The following PLEC variants were observed in gnomAD, a reference collection of about 807,000 sequenced individuals.
PLEC encodes hemidesmosomal protein 1.
Under a neutral mutation model 392.8 loss-of-function variants are expected in PLEC, and 216 were observed. The ratio of observed to expected loss-of-function variants is 0.55; its 90% confidence interval spans 0.49 to 0.62. The LOEUF is 0.62. Among genes scored for constraint, PLEC ranks in the 20% least tolerant of loss-of-function variants. The pLI is 0.00. For synonymous variants in PLEC, 3,621 were observed against 2,980.6 expected (o/e 1.21, Z -7.00); for missense variants, 6,863 against 6,563.4 (o/e 1.05, Z -1.58).
chr8:143,926,926 C>T, intron 29 of PLEC, 44 bp from the exon 30 acceptor site: 2 of 1,605,460 alleles, frequency 1.2e-6, no homozygotes, highest in Middle Eastern at 1.7e-4. Flanking sequence ...GCTGCAGCTC[C>T]AGCCAGAGGC....
intron 1 of PLEC, chr8:143,945,209 C>T (rs537959815): frequency 1.8e-5 from 9 of 491,030 alleles, no homozygotes; most frequent in Middle Eastern, 3.3e-4. Context: ...CAAAGTCACG[C>T]GCAGGCCAGA....
rs539275914 is a variant in PLEC at position 143,969,049 on chromosome 8, C to T, written c.70+4354G>A. ...TAAAAAACATACGACCACACAAAAA[C>T]GTGTATGCAAACGTCCATAGCAGCC... On this transcript the variant is annotated intron_variant, in intron 1 of 31. Transcript: ENST00000356346. This position sits in a 1 kb window ranked among gnomAD's most constrained non-coding sequence, Gnocchi z 5.1. 8.5e-5 allele frequency among the ~76,000 whole-genome samples: 13 copies of T among 152,292 alleles called. No individual in the cohort carries two copies. The highest frequency in any genetic ancestry group is 2.4e-4 in the African/African-American group (10 of 41,566).
chr8:143,942,638 C>T, upstream of PLEC: 2 of 1,174,058 alleles, frequency 1.7e-6, no homozygotes, highest in East Asian at 3.0e-5. Context: ...TCTTCCACCT[C>T]CCCCCCACAA....
At chr8:143,937,364 A>G in intron 3 of PLEC, 122 bp from the exon 4 acceptor site, 1 of 741,950 alleles carries the variant, frequency 1.3e-6, no homozygotes, top group Non-Finnish European at 2.3e-6. Context: ...GCAGCCCCTC[A>G]TCCCAGGTTC....
upstream of PLEC, chr8:143,975,448 C>G: frequency 7.8e-7 from 1 of 1,282,688 alleles, no homozygotes; most frequent in Non-Finnish European, 1.1e-6. The surrounding 1 kb of genome is among the most constrained non-coding windows in gnomAD (Gnocchi z 9.9). Flanking sequence ...CCACCCACCA[C>G]CTTCTTAACC....
At chr8:143,955,540 G>A (rs967239604), upstream of PLEC, among the ~76,000 whole-genome samples, 1 of 152,128 alleles carries the variant, frequency 6.6e-6, no homozygotes, top group African/African-American at 2.4e-5. Flanking sequence ...TCAAGTGAAA[G>A]TGACAGATAT....
At chr8:143,975,051 C>T, upstream of PLEC, 2 of 1,105,700 alleles carry the variant, frequency 1.8e-6, no homozygotes, top group Non-Finnish European at 2.7e-6. The surrounding 1 kb of genome is among the most constrained non-coding windows in gnomAD (Gnocchi z 9.9). Flanking sequence ...GCGCGAGGCC[C>T]TCCGTGACCC....
In PLEC at chr8:143,919,670, G is replaced by A. The variant is rs782088523; in HGVS notation, c.10151C>T (p.Thr3384Met). 2.3e-5 allele frequency: 36 copies of A among 1,597,846 alleles called. No homozygotes were observed. Among genetic ancestry groups the A allele is most frequent in the Admixed American group, 5.1e-5 (3 of 59,242 alleles). ...CTGCGCCTCCAGCAGGAGCGCAGCC[G>A]TTGTGGCTCTCAGCAGGCCCCGGCG... ...AMRRGLLRAT[T>M]AALLLEAQAA... Residue 3384 changes from threonine to methionine, a missense_variant, in exon 32 of 32, where the codon ACG becomes ATG. Thr to Met is a moderately conservative substitution (Grantham distance 81, BLOSUM62 -1). Coordinates refer to ENST00000345136, the MANE Select transcript of PLEC (RefSeq NM_201384.3).
chr8:143,941,307 G>A (rs1273262222), upstream of PLEC, among the ~76,000 whole-genome samples: 1 of 152,196 alleles, frequency 6.6e-6, no homozygotes, highest in Non-Finnish European at 1.5e-5. Context: ...GCTGGAAACT[G>A]GGAGCCGGGG....
At chr8:143,953,277 A>C, upstream of PLEC, among the ~76,000 whole-genome samples, 1 of 134,530 alleles carries the variant, frequency 7.4e-6, no homozygotes, top group Admixed American at 7.2e-5. Flanking sequence ...CCCAAGACAA[A>C]GAGCCGCAGT....
upstream of PLEC, chr8:143,973,564 G>A: frequency 1.5e-5 from 15 of 1,014,550 alleles, no homozygotes; most frequent in Non-Finnish European, 1.8e-5. This position sits in a 1 kb window ranked among gnomAD's most constrained non-coding sequence, Gnocchi z 5.6. Flanking sequence ...TAAAGAGGCC[G>A]CCCCCGCCCC....
chr8:143,975,217 A>G (rs1554745637), upstream of PLEC: 5 of 1,603,916 alleles, frequency 3.1e-6, no homozygotes, highest in Non-Finnish European at 4.2e-6. This position sits in a 1 kb window ranked among gnomAD's most constrained non-coding sequence, Gnocchi z 9.9. Flanking sequence ...GGTCCAGGAC[A>G]CTCCCGTTGC....
chr8:143,926,353 G>A (rs1461454157), intron 30 of PLEC, among the ~76,000 whole-genome samples: 10 of 152,204 alleles, frequency 6.6e-5, no homozygotes, highest in Admixed American at 1.3e-4. Context: ...GAGCCAACTC[G>A]GAAGAGGATT....
chr8:143,922,632 T>C lies in PLEC; in HGVS notation c.7297A>G (p.Thr2433Ala), dbSNP rs782190674. 2.5e-6 allele frequency: 4 copies of C among 1,613,576 alleles called. No homozygotes were observed. In the Admixed American group the frequency reaches 5.0e-5, roughly 20 times the overall value. ...ATQEKVTLVQTLEIQRQQSDH... is the reference protein window; with the variant it reads ...ATQEKVTLVQALEIQRQQSDH... ...CTCTGCTGTCGCTGGATCTCCAGTG[T>C]CTGCACCAGGGTCACCTTCTCCTGG... The change falls in exon 31 of 32, where the codon ACA becomes GCA. Residue 2433 changes from threonine (T) to alanine (A), a missense_variant. Physicochemically the swap from Thr to Ala is moderately conservative, Grantham distance 58 (BLOSUM62 0). Transcript: ENST00000345136.
At chr8:143,973,554 T>C (rs1315841050), upstream of PLEC, 3 of 1,087,502 alleles carry the variant, frequency 2.8e-6, no homozygotes, top group African/African-American at 5.1e-5. This position sits in a 1 kb window ranked among gnomAD's most constrained non-coding sequence, Gnocchi z 5.6. Context: ...GCGCGCCGCT[T>C]AAAGAGGCCG....
In PLEC at chr8:143,916,167, G is replaced by A. The variant is rs1065837; in HGVS notation, c.*10C>T. 0.39 allele frequency: 602,789 copies of A among 1,527,716 alleles called. 125,133 individuals are homozygous for A. The highest frequency in any genetic ancestry group is 0.43 in the Non-Finnish European group (486,250 of 1,137,084). The allele number at this position is 1,527,716 out of a possible 1,614,324, so 94.6% of individuals were successfully genotyped here. On this transcript the variant is annotated 3_prime_UTR_variant, in exon 32 of 32. Coordinates refer to ENST00000345136, the MANE Select transcript of PLEC (RefSeq NM_201384.3). ...GGGCCGCATGCAGAGCGGGGTGGGC[G>A]CAGGCAGCCTCAGGCCACGGCAGAC...
intron 1 of PLEC, among the ~76,000 whole-genome samples, chr8:143,963,809 A>ATTTTTTT (rs1190132489): frequency 1.7e-5 from 2 of 119,930 alleles, no homozygotes; most frequent in Non-Finnish European, 1.7e-5. Flanking sequence ...CACCTGGCTA[A>ATTTTTTT]TTTTTTTTTT....
At position 143,969,573 on chromosome 8, in the gene PLEC, G is replaced by A. The variant is rs1326717819; in HGVS notation, c.70+3830C>T. Among the ~76,000 whole-genome samples the A allele has an allele frequency of 6.6e-6, 1 of 152,156 alleles. No individual in the cohort carries two copies. Among genetic ancestry groups the A allele is most frequent in the South Asian group, 2.1e-4 (1 of 4,824 alleles). ...AGACCTGGGGTGGGTGTGGCAGGGCGGGGACAGTTCTAGGAGAGAGTTGTG... is the reference window on the plus strand; with the variant it reads ...AGACCTGGGGTGGGTGTGGCAGGGCAGGGACAGTTCTAGGAGAGAGTTGTG... On this transcript the variant is annotated intron_variant, in intron 1 of 31. Transcript: ENST00000356346. The surrounding 1 kb of genome is among the most constrained non-coding windows in gnomAD (Gnocchi z 5.1).
In PLEC at chr8:143,919,086, T is replaced by C; in HGVS notation, c.10735A>G (p.Ser3579Gly). The C allele has an allele frequency of 6.2e-7, 1 of 1,611,826 alleles. No individual in the cohort carries two copies. The highest frequency in any genetic ancestry group is 8.5e-7 in the Non-Finnish European group (1 of 1,180,008). ...AGGGACATGGTGGAGCCGCCGTGGC[T>C]GCCGCCGCCGGGAATGTCGATCTGT... ...ETQIDIPGGGSHGGSTMSLWE... is the reference protein window; with the variant it reads ...ETQIDIPGGGGHGGSTMSLWE... Residue 3579 changes from serine (S) to glycine (G), a missense_variant, in exon 32 of 32, where the codon AGC becomes GGC. Transcript: ENST00000345136.
Sources: gnomAD v4.1 joint callset for allele counts (sites outside exome capture counted in the v4.1 genomes callset) on GRCh38, gnomAD v4.1.1 for gene constraint, Gnocchi (gnomAD v3.1) non-coding constraint, MANE v1.5 for transcripts, NCBI Gene and HGNC (gene_info 2026-07-23, HGNC 2026-07-21) for gene names.